Variants in ARPC1A observed in about 807,000 individuals in gnomAD.
ARPC1A encodes the protein actin related protein 2/3 complex subunit 1A.
ARPC1A carries 8 observed loss-of-function variants against 46.9 expected under a neutral mutation model. The ratio of observed to expected loss-of-function variants is 0.17; its 90% CI spans 0.10 to 0.31. The LOEUF (loss-of-function observed/expected upper bound fraction) is 0.31, where lower values mean the gene tolerates loss of function less well. ARPC1A is among the 10% of genes least tolerant of loss of function. The pLI is 1.00. For synonymous variants in ARPC1A, 152 were observed against 169.0 expected, an observed-to-expected ratio of 0.90 and a Z score of 0.78; for missense variants, 286 against 483.6, an observed-to-expected ratio of 0.59 and a Z score of 3.83.
chr7:99,334,016 C>T (rs926885830), intron 2 of ARPC1A, among the ~76,000 whole-genome samples: 1 of 141,568 alleles, frequency 7.1e-6, no homozygotes, highest in Non-Finnish European at 1.5e-5. Flanking sequence ...CACACACACA[C>T]ACACACACAC....
intron 1 of ARPC1A, among the ~76,000 whole-genome samples, chr7:99,330,160 C>G (rs552788157): frequency 4.6e-5 from 7 of 152,050 alleles, no homozygotes; most frequent in African/African-American, 1.7e-4. Context: ...TTGTAGTTTG[C>G]TTTCTCGACT....
rs755155389 is a variant in ARPC1A, at chr7:99,365,919, G to A, written c.1103G>A (p.Arg368Gln). 24 of 1,574,248 alleles carry A rather than the reference G, an allele frequency of 1.5e-5. No individual in the cohort carries two copies. Among genetic ancestry groups the A allele is most frequent in the East Asian group, 2.3e-5 (1 of 43,624 alleles). ...CTCGAGTCTTCCATCCAGGGCCTCCGGATAATGTGAAGCTGAGTGAGCCTC... is the reference window on the plus strand; with the variant it reads ...CTCGAGTCTTCCATCCAGGGCCTCCAGATAATGTGAAGCTGAGTGAGCCTC... Reference protein sequence around the residue: ...KTLESSIQGLRIM With the variant: ...KTLESSIQGLQIM Residue 368 changes from arginine to glutamine, a missense_variant, in exon 10 of 10, where the codon CGG becomes CAG. Arg to Gln is a conservative substitution (Grantham distance 43, BLOSUM62 1). Transcript: ENST00000262942.
chr7:99,353,112 GTTTATGTTAT>G (rs1181991808), intron 5 of ARPC1A, among the ~76,000 whole-genome samples: 1 of 107,444 alleles, frequency 9.3e-6, no homozygotes, highest in Non-Finnish European at 1.9e-5. Context: ...GTTTAGTTTA[GTTTATGTTAT>G]GTTATGTTAT....
chr7:99,326,676 C>T (rs892596782), intron 1 of ARPC1A, among the ~76,000 whole-genome samples: 1 of 152,330 alleles, frequency 6.6e-6, no homozygotes, highest in Admixed American at 6.5e-5. Flanking sequence ...AAGATTCTTA[C>T]CGTTTTGCTA....
intron 2 of ARPC1A, 33 bp downstream of exon 2, chr7:99,333,450 T>C (rs1428880258): frequency 6.4e-7 from 1 of 1,569,174 alleles, no homozygotes; most frequent in East Asian, 2.2e-5. Flanking sequence ...TTTTGTATTT[T>C]GGTACCTTTG....
intron 6 of ARPC1A, among the ~76,000 whole-genome samples, chr7:99,358,038 G>A (rs912544616): frequency 3.3e-5 from 5 of 152,314 alleles, no homozygotes; most frequent in Middle Eastern, 3.4e-3. Context: ...AAAGTGGACC[G>A]TGGGATCATG....
chr7:99,351,739 G>T (rs537585778), intron 5 of ARPC1A, among the ~76,000 whole-genome samples: 4 of 152,288 alleles, frequency 2.6e-5, no homozygotes, highest in East Asian at 1.9e-4. Context: ...GGGGTGGTAG[G>T]GGGGATACCT....
intron 8 of ARPC1A, chr7:99,360,232 A>G (rs993716080): frequency 1.2e-5 from 2 of 172,440 alleles, no homozygotes; most frequent in Non-Finnish European, 2.5e-5. Context: ...TCTTATCATC[A>G]TGATGACAAA....
intron 8 of ARPC1A, among the ~76,000 whole-genome samples, chr7:99,362,327 C>T (rs1474226936): frequency 7.0e-6 from 1 of 142,536 alleles, no homozygotes; most frequent in Non-Finnish European, 1.5e-5. Context: ...AATGTAAAAC[C>T]CCGCCCCCCT....
At chr7:99,332,915 G>T (rs79917688) in intron 1 of ARPC1A, among the ~76,000 whole-genome samples, 59 of 85,468 alleles carry the variant, frequency 6.9e-4, no homozygotes, top group African/African-American at 4.9e-3. Context: ...TTTTTTTTTT[G>T]AGACAGAGTC....
At chr7:99,357,381 G>A (rs780309308) in intron 6 of ARPC1A, among the ~76,000 whole-genome samples, 3 of 151,922 alleles carry the variant, frequency 2.0e-5, no homozygotes, top group Non-Finnish European at 4.4e-5. Context: ...TTAATTTAGA[G>A]AGACACTCTC....
intron 1 of ARPC1A, among the ~76,000 whole-genome samples, chr7:99,330,400 C>G (rs113487972): frequency 6.6e-6 from 1 of 152,120 alleles, no homozygotes; most frequent in Non-Finnish European, 1.5e-5. Flanking sequence ...CTGCAACCTC[C>G]GCCTCCCATG....
At chr7:99,344,252 C>T in intron 3 of ARPC1A, 41 bp from the exon 4 acceptor site, 1 of 1,599,900 alleles carries the variant, frequency 6.3e-7, no homozygotes, top group Admixed American at 1.7e-5. Context: ...AGTTGTTTGT[C>T]ATTGACTGGG....
chr7:99,358,516 T>G lies in ARPC1A; in HGVS notation c.789+101T>G. ...ACCCTAGCACAAAGCAGAACAGTTT[T>G]TTAGAAGAAACAGAGCTCACTTTTT... On this transcript the variant is annotated intron_variant, in intron 7 of 9. Transcript: ENST00000262942. 7 of 1,062,052 alleles carry G rather than the reference T, an allele frequency of 6.6e-6. No homozygotes were observed. The South Asian group carries it at 1.0e-4, about 16-fold the overall frequency. The allele number at this position is 1,062,052 out of a possible 1,614,324, so 65.8% of individuals were successfully genotyped here. A position where few individuals can be genotyped will look rare whatever the true frequency, so the allele number is the denominator to read the frequency against.
chr7:99,336,779 C>T (rs947532797), intron 2 of ARPC1A, among the ~76,000 whole-genome samples: 100 of 152,024 alleles, frequency 6.6e-4, no homozygotes, highest in African/African-American at 2.3e-3. Context: ...CAGGCGTGAG[C>T]CACCACGCCT....
rs1793831845 is a variant in ARPC1A at position 99,365,839 on chromosome 7, C to T, written c.1075-52C>T. The T allele has an allele frequency of 6.5e-6, 10 of 1,530,994 alleles. No homozygotes were observed. The South Asian group carries it at 9.5e-5, about 15-fold the overall frequency. 94.8% of individuals were successfully genotyped at this position (1,530,994 alleles called of 1,614,324 possible). On this transcript the variant is annotated intron_variant, in intron 9 of 9. Coordinates refer to ENST00000262942, the MANE Select transcript of ARPC1A (RefSeq NM_006409.4). Reference sequence around the variant, plus strand: ...GAAGAGGGAGTGGTGTCATACCTACCTCGGGGTAGACACTCCTCAGTGACA... The same window carrying T: ...GAAGAGGGAGTGGTGTCATACCTACTTCGGGGTAGACACTCCTCAGTGACA...
At chr7:99,339,107 G>A (rs1453805548) in intron 3 of ARPC1A, among the ~76,000 whole-genome samples, 2 of 152,102 alleles carry the variant, frequency 1.3e-5, no homozygotes, top group Non-Finnish European at 2.9e-5. Context: ...TAAGGAAAAA[G>A]GATGTAATAA....
intron 5 of ARPC1A, among the ~76,000 whole-genome samples, chr7:99,349,232 T>A (rs1022754573): frequency 6.6e-6 from 1 of 151,988 alleles, no homozygotes; most frequent in Non-Finnish European, 1.5e-5. Flanking sequence ...TTTAAAATTG[T>A]CTTTATTCTT....
chr7:99,348,953 A>G lies in ARPC1A; in HGVS notation c.494A>G (p.Lys165Arg). ...CTGGCAGCAGGATCATGTGACTTCA[A>G]ATGCAGGTGGGAACCAGTGAGAACT... ...VLLAAGSCDF[K>R]CRVFSAYIKE... The change falls in exon 5 of 10, where the codon AAA (lysine) becomes AGA (arginine). Residue 165 changes from lysine to arginine, a missense_variant. Physicochemically the swap from Lys to Arg is conservative, Grantham distance 26 (BLOSUM62 2). Around this residue, in one of 5 missense-constraint regions of ARPC1A, gnomAD observed 182 missense variants for 276.7 expected, o/e 0.66. Coordinates refer to ENST00000262942, the MANE Select transcript of ARPC1A (RefSeq NM_006409.4). 6.2e-7 allele frequency: 1 copy of G among 1,613,410 alleles called. No individual in the cohort carries two copies. Among genetic ancestry groups the G allele is most frequent in the Non-Finnish European group, 8.5e-7 (1 of 1,179,428 alleles).
Sources: gnomAD v4.1 joint callset for allele counts (sites outside exome capture counted in the v4.1 genomes callset) on GRCh38, gnomAD v4.1.1 for gene constraint, gnomAD v4.1.1 regional missense constraint, MANE v1.5 for transcripts, NCBI Gene and HGNC (gene_info 2026-07-23, HGNC 2026-07-21) for gene names.